Variants in DIPK1A observed in about 807,000 individuals in gnomAD.
DIPK1A encodes the protein divergent protein kinase domain 1A, also known as family with sequence similarity 69 member A.
Under a neutral mutation model 40.8 loss-of-function variants are expected in DIPK1A, and 27 were observed. That is an observed-to-expected ratio of 0.66 (90% CI 0.49 to 0.91). DIPK1A has a LOEUF of 0.91. Among genes scored for constraint, DIPK1A ranks in the 40% least tolerant of loss-of-function variants. The pLI, the probability that DIPK1A is intolerant of heterozygous loss-of-function variation, is 0.00. For missense variants in DIPK1A, 412 were observed against 505.7 expected (o/e 0.81, Z 1.78); for synonymous variants, 166 against 171.3 (o/e 0.97, Z 0.24).
chr1:92,872,914 C>A (rs181211113), intron 2 of DIPK1A, among the ~76,000 whole-genome samples: 1 of 152,292 alleles, frequency 6.6e-6, no homozygotes, highest in East Asian at 1.9e-4. Flanking sequence ...TTCTGCAGAG[C>A]CCCGGGAATT....
chr1:92,919,600 A>G (rs1379561452), intron 1 of DIPK1A, among the ~76,000 whole-genome samples: 1 of 152,212 alleles, frequency 6.6e-6, no homozygotes, highest in Non-Finnish European at 1.5e-5. Flanking sequence ...TATATCTGGA[A>G]CACACTTTGA....
chr1:92,903,862 C>G (rs1649510227), intron 1 of DIPK1A, among the ~76,000 whole-genome samples: 1 of 152,198 alleles, frequency 6.6e-6, no homozygotes, highest in African/African-American at 2.4e-5. Context: ...AAGGTTGTTA[C>G]TGTAGCTTTC....
At chr1:92,861,100 A>G (rs1238937066) in intron 2 of DIPK1A, among the ~76,000 whole-genome samples, 1 of 152,084 alleles carries the variant, frequency 6.6e-6, no homozygotes, top group East Asian at 1.9e-4. Context: ...TATGTGGAAT[A>G]GAAATGACAA....
chr1:92,834,238 A>ATC (rs1687030376), intron 4 of DIPK1A, among the ~76,000 whole-genome samples: 2 of 152,322 alleles, frequency 1.3e-5, no homozygotes, highest in Admixed American at 1.3e-4. Context: ...GTAGTTGTGA[A>ATC]TTAAACAGGG....
At chr1:92,954,379 TTTTTTTTTTTTG>T (rs1298893017) in intron 1 of DIPK1A, among the ~76,000 whole-genome samples, 1 of 8,338 alleles carries the variant, frequency 1.2e-4, no homozygotes, top group African/African-American at 3.0e-4. Flanking sequence ...TCTTTTTTTT[TTTTTTTTTTTTG>T]TTTTGAGACA....
chr1:92,929,435 T>G (rs1650657735), intron 1 of DIPK1A, among the ~76,000 whole-genome samples: 1 of 152,214 alleles, frequency 6.6e-6, no homozygotes, highest in South Asian at 2.1e-4. Flanking sequence ...ATTGGGTGGA[T>G]GTTAAATGCA....
rs972499216 is a variant in DIPK1A, at chr1:92,842,734, A to G, written c.*649T>C. On this transcript the variant is annotated 3_prime_UTR_variant, in exon 5 of 5. Transcript: ENST00000370310. Reference sequence around the variant, plus strand: ...AAGATGGGCCCTTTGAATCTTTAGGAAAGTTCATCCATTTTTAGTCAATAA... The same window carrying G: ...AAGATGGGCCCTTTGAATCTTTAGGGAAGTTCATCCATTTTTAGTCAATAA... 5 of 985,334 alleles carry G rather than the reference A, an allele frequency of 5.1e-6. No individual in the cohort carries two copies. The African/African-American group carries it at 8.7e-5, about 17-fold the overall frequency. 61.0% of individuals were successfully genotyped at this position (985,334 alleles called of 1,614,324 possible).
chr1:92,953,503 C>T (rs1270336337), intron 1 of DIPK1A, among the ~76,000 whole-genome samples: 1 of 152,110 alleles, frequency 6.6e-6, no homozygotes, highest in Admixed American at 6.6e-5. Flanking sequence ...TAGAGGCAAC[C>T]TAAATGTTCA....
chr1:92,858,662 C>A (rs1193366518), intron 2 of DIPK1A, among the ~76,000 whole-genome samples: 1 of 152,012 alleles, frequency 6.6e-6, no homozygotes, highest in Non-Finnish European at 1.5e-5. Context: ...AGCTACAAGA[C>A]AAATTCTAGT....
chr1:92,926,050 G>A (rs577079997), intron 1 of DIPK1A, among the ~76,000 whole-genome samples: 2 of 151,982 alleles, frequency 1.3e-5, no homozygotes, highest in East Asian at 3.9e-4. Flanking sequence ...TATTGTCTCT[G>A]TTGTCTATTT....
Position 92,842,832 on chromosome 1 carries a change from G to C in DIPK1A, c.*551C>G, listed in dbSNP as rs1255489831. On this transcript the variant is annotated 3_prime_UTR_variant, in exon 5 of 5. Coordinates refer to ENST00000370310, the MANE Select transcript of DIPK1A (RefSeq NM_001006605.5). ...ACCATTGTGAAGCTACACATAACTT[G>C]ATGTCTGAATGAGGTTAAAAATGGG... is the stretch of plus-strand genomic sequence containing the variant. The C allele has an allele frequency of 1.0e-6, 1 of 985,320 alleles. No individual in the cohort carries two copies. The highest frequency in any genetic ancestry group is 6.1e-5 in the Admixed American group (1 of 16,266). 61.0% of individuals were successfully genotyped at this position (985,320 alleles called of 1,614,324 possible).
At chr1:92,932,053 A>G in intron 1 of DIPK1A, 1 of 533,402 alleles carries the variant, frequency 1.9e-6, no homozygotes, top group Non-Finnish European at 3.4e-6. Flanking sequence ...AATTGATAAA[A>G]CTTTCGGAAT....
downstream of DIPK1A, chr1:92,837,711 CATTCTT>C (rs1364980790): frequency 4.3e-5 from 50 of 1,174,010 alleles, no homozygotes; most frequent in Non-Finnish European, 6.1e-5. Flanking sequence ...GGGCAGGTAA[CATTCTT>C]ATATAGGTGT....
intron 1 of DIPK1A, among the ~76,000 whole-genome samples, chr1:92,958,505 A>G (rs1246179303): frequency 6.6e-6 from 1 of 152,000 alleles, no homozygotes; most frequent in Non-Finnish European, 1.5e-5. Flanking sequence ...TCTTCCCTCT[A>G]TCTGTGAAAT....
At chr1:92,840,990 A>G (rs756686950), downstream of DIPK1A, 9 of 393,874 alleles carry the variant, frequency 2.3e-5, no homozygotes, top group Non-Finnish European at 4.4e-5. Flanking sequence ...CCACAAATAC[A>G]ATGTATAGTA....
intron 4 of DIPK1A, chr1:92,846,444 C>A: frequency 8.2e-6 from 2 of 244,304 alleles, no homozygotes; most frequent in East Asian, 1.1e-4. Flanking sequence ...TCCTCTGTAC[C>A]CTTCCCAGCC....
At chr1:92,883,357 G>A (rs1173950750) in intron 1 of DIPK1A, among the ~76,000 whole-genome samples, 4 of 152,250 alleles carry the variant, frequency 2.6e-5, no homozygotes, top group Admixed American at 2.6e-4. Flanking sequence ...CAACATCCCA[G>A]TGCAGAAGGA....
At chr1:92,933,113 T>C (rs191430456) in intron 1 of DIPK1A, 1 of 151,634 alleles carries the variant, frequency 6.6e-6, no homozygotes, top group East Asian at 1.9e-4. Context: ...TTTTTTAAAA[T>C]ATGAAAGAGC....
At chr1:92,872,963 G>A (rs566132992) in intron 2 of DIPK1A, among the ~76,000 whole-genome samples, 27 of 152,304 alleles carry the variant, frequency 1.8e-4, no homozygotes, top group Middle Eastern at 3.4e-3. Flanking sequence ...GTATGCATGA[G>A]GTTCCCCTGG....
Sources: allele counts gnomAD v4.1 joint callset (sites outside exome capture counted in the v4.1 genomes callset), GRCh38; gene constraint gnomAD v4.1.1; transcripts MANE v1.5; gene names NCBI Gene and HGNC (gene_info 2026-07-23, HGNC 2026-07-21).